Variants in PCNT observed in about 807,000 individuals in gnomAD.
The protein encoded by PCNT is pericentrin.
In PCNT, 319 loss-of-function variants were observed where a neutral mutation model predicts 380.4. The observed-to-expected ratio is 0.84, with a 90% CI of 0.77 to 0.92. PCNT has a LOEUF of 0.92. PCNT is among the 40% of genes least tolerant of loss of function. The pLI, the probability that PCNT is intolerant of heterozygous loss-of-function variation, is 0.00. For synonymous variants in PCNT, 1,845 were observed against 1,735.2 expected, an observed-to-expected ratio of 1.06 and a Z score of -1.57; for missense variants, 4,400 against 4,255.3, an observed-to-expected ratio of 1.03 and a Z score of -0.95.
intron 29 of PCNT, among the ~76,000 whole-genome samples, chr21:46,414,455 C>CCCTTCTCCT (rs2086929758): frequency 8.1e-6 from 1 of 122,856 alleles, no homozygotes; most frequent in African/African-American, 3.5e-5. Context: ...CAGTCGCCCA[C>CCCTTCTCCT]CCTCCTCCTC....
At chr21:46,339,104 G>A (rs2083843041) in intron 3 of PCNT, among the ~76,000 whole-genome samples, 1 of 151,818 alleles carries the variant, frequency 6.6e-6, no homozygotes, top group Non-Finnish European at 1.5e-5. Context: ...TTTTAGTAGG[G>A]ATAGTTTTAC....
rs755540815 is a variant in PCNT at position 46,444,645 on chromosome 21, CTCT to C, written c.9840-47_9840-45del. 308 of 1,428,760 alleles carry C rather than the reference CTCT, an allele frequency of 2.2e-4. 1 individual carries two copies. In the South Asian group the frequency reaches 3.3e-3, roughly 16 times the overall value. 88.5% of individuals were successfully genotyped at this position (1,428,760 alleles called of 1,614,324 possible). The stretch of plus-strand genomic sequence containing the variant: ...CCATGGCTCCGTCTGTCAAACTCAA[CTCT>C]TTTTTTTTTTTTTTTTCTTCTCTTG... On this transcript the variant is annotated intron_variant, in intron 45 of 46. Transcript: ENST00000359568.
chr21:46,437,114 G>A, intron 40 of PCNT, 33 bp downstream of exon 40: 1 of 1,493,030 alleles, frequency 6.7e-7, no homozygotes, highest in South Asian at 1.1e-5. Context: ...TCCCTGGCCT[G>A]GCTCCTCCCC....
Position 46,349,676 on chromosome 21 carries a change from C to T in PCNT, c.1208-8C>T. Reference sequence around the variant, plus strand: ...TGTAAACCAAGTGCCATTGCTTTACCTTTCTAGGGGCCCTTAGGAACCTGG... The same window carrying T: ...TGTAAACCAAGTGCCATTGCTTTACTTTTCTAGGGGCCCTTAGGAACCTGG... On this transcript the variant is annotated splice_polypyrimidine_tract_variant and splice_region_variant and intron_variant, in intron 7 of 46. Coordinates refer to ENST00000359568, the MANE Select transcript of PCNT (RefSeq NM_006031.6). 2 of 1,613,826 alleles carry T rather than the reference C, an allele frequency of 1.2e-6. No individual in the cohort carries two copies. The highest frequency in any genetic ancestry group is 1.7e-6 in the Non-Finnish European group (2 of 1,179,774).
rs2087600066 is a variant in PCNT at position 46,428,397 on chromosome 21, A to G, written c.7497A>G (p.Gly2499=). The G allele has an allele frequency of 3.1e-6, 5 of 1,611,978 alleles. No individual in the cohort carries two copies. Among genetic ancestry groups the G allele is most frequent in the African/African-American group, 1.3e-5 (1 of 74,926 alleles). Residue 2499 remains glycine (G), a splice_region_variant and synonymous_variant, in exon 35 of 47, where the codon GGA becomes GGG. Transcript: ENST00000359568. ...ERLEKIIREQ[G]DLQEKSLEHL... ...TGCTTGTCCCATTGTGCCCCCAGGGAGACCTGCAGGAAAAGTCCCTGGAGC... is the reference window on the plus strand; with the variant it reads ...TGCTTGTCCCATTGTGCCCCCAGGGGGACCTGCAGGAAAAGTCCCTGGAGC...
At position 46,363,723 on chromosome 21, in the gene PCNT, C is replaced by T. The variant is rs1239760800; in HGVS notation, c.2398C>T (p.Gln800Ter). 30 of 1,614,110 alleles carry T rather than the reference C, an allele frequency of 1.9e-5. No individual in the cohort carries two copies. Among genetic ancestry groups the T allele is most frequent in the Non-Finnish European group, 2.5e-5 (29 of 1,180,048 alleles). Reference sequence around the variant, plus strand: ...TCGAGAAGCTGAAATGAGGCAGCTTCAGGACCAACAGGCAGCCCAGATCCT... The same window carrying T: ...TCGAGAAGCTGAAATGAGGCAGCTTTAGGACCAACAGGCAGCCCAGATCCT... ...ELREAEMRQL[Q>*]DQQAAQILDL... The change falls in exon 14 of 47, where the codon CAG (glutamine) becomes TAG (stop). Residue 800 changes from glutamine to a stop codon, truncating the protein, a stop_gained. Coordinates refer to ENST00000359568, the MANE Select transcript of PCNT (RefSeq NM_006031.6). LOFTEE classifies it high-confidence loss of function.
chr21:46,365,508 ATCACTGCCATGGGGTTCTAT>A (rs2084883752), intron 14 of PCNT, among the ~76,000 whole-genome samples: 1 of 21,224 alleles, frequency 4.7e-5, no homozygotes, highest in Non-Finnish European at 9.3e-5. Context: ...TGGGGTTCTG[ATCACTGCCATGGGGTTCTAT>A]TCACTGCCGT....
At chr21:46,331,976 G>A (rs111475966) in intron 2 of PCNT, among the ~76,000 whole-genome samples, 2 of 152,054 alleles carry the variant, frequency 1.3e-5, no homozygotes, top group Non-Finnish European at 2.9e-5. Context: ...CCTGGCCAAC[G>A]TGGTGAAACC....
intron 40 of PCNT, 144 bp from the exon 41 acceptor site, chr21:46,438,019 CA>C: frequency 1.4e-6 from 1 of 714,618 alleles, no homozygotes; most frequent in Non-Finnish European, 2.4e-6. Context: ...ATGACTTTTA[CA>C]ATTTTCTGCC....
chr21:46,437,036 G>A lies in PCNT; in HGVS notation c.9054G>A (p.Thr3018=), dbSNP rs918613918. ...NEKAVMSLLH[T]LEELKSDLSR... Reference sequence around the variant, plus strand: ...AAGCAGTGATGTCTTTACTGCACACGTTGGAGGAGCTGAAGTCTGACTTGA... The same window carrying A: ...AAGCAGTGATGTCTTTACTGCACACATTGGAGGAGCTGAAGTCTGACTTGA... Residue 3018 remains threonine (T), a synonymous_variant, in exon 40 of 47, where the codon ACG becomes ACA. Coordinates refer to ENST00000359568, the MANE Select transcript of PCNT (RefSeq NM_006031.6). 5.0e-6 allele frequency: 8 copies of A among 1,614,038 alleles called. No homozygotes were observed. Among genetic ancestry groups the A allele is most frequent in the East Asian group, 4.5e-5 (2 of 44,900 alleles).
At chr21:46,341,852 A>G (rs1601780853) in intron 3 of PCNT, among the ~76,000 whole-genome samples, 1 of 151,480 alleles carries the variant, frequency 6.6e-6, no homozygotes. Context: ...CAAATTTTTA[A>G]ATATTTTGTA....
chr21:46,414,641 T>C (rs574068626), intron 29 of PCNT, among the ~76,000 whole-genome samples: 1 of 141,770 alleles, frequency 7.1e-6, no homozygotes, highest in Non-Finnish European at 1.5e-5. Context: ...CCCACTCTCC[T>C]CCTCCTGGAC....
chr21:46,410,367 G>C (rs972003203), intron 27 of PCNT, among the ~76,000 whole-genome samples: 2 of 152,182 alleles, frequency 1.3e-5, no homozygotes, highest in African/African-American at 4.8e-5. Flanking sequence ...ACCTGGAGTT[G>C]TTATGAAACC....
Position 46,363,653 on chromosome 21 carries a change from A to G in PCNT, c.2328A>G (p.Glu776=). Reference sequence around the variant, plus strand: ...CATTGATGCTACTTGAACTGAGAGAAAAGGCTGAATCCGAGAAACAGACCA... The same window carrying G: ...CATTGATGCTACTTGAACTGAGAGAGAAGGCTGAATCCGAGAAACAGACCA... ...KLTLMLLELR[E]KAESEKQTII... is the part of the protein sequence containing the mutation. The change falls in exon 14 of 47, where the codon GAA becomes GAG. Residue 776 remains glutamate, a synonymous_variant. Transcript: ENST00000359568. 1 of 1,614,260 alleles carries G rather than the reference A, an allele frequency of 6.2e-7. No individual in the cohort carries two copies. The highest frequency in any genetic ancestry group is 8.5e-7 in the Non-Finnish European group (1 of 1,180,050).
chr21:46,423,709 GAGGAGGAGGAAGAGAA>G (rs780553950), intron 32 of PCNT, among the ~76,000 whole-genome samples: 1,441 of 75,552 alleles, frequency 0.019, 49 homozygotes, highest in Non-Finnish European at 0.025. Flanking sequence ...AGGAGGGGGA[GAGGAGGAGGAAGAGAA>G]GGGGAGGGGG....
At position 46,353,201 on chromosome 21, in the gene PCNT, A is replaced by G; in HGVS notation, c.1554A>G (p.Gln518=). The change falls in exon 10 of 47, where the codon CAA becomes CAG. Residue 518 remains glutamine (Q), a synonymous_variant. Coordinates refer to ENST00000359568, the MANE Select transcript of PCNT (RefSeq NM_006031.6). ...EKTQHESELE[Q]LRIYFEKKLR... ...CCCAGCATGAGTCCGAACTGGAGCAACTGAGGATTTATTTTGAAAAGAAGT... is the reference window on the plus strand; with the variant it reads ...CCCAGCATGAGTCCGAACTGGAGCAGCTGAGGATTTATTTTGAAAAGAAGT... 6.2e-7 allele frequency: 1 copy of G among 1,614,118 alleles called. No homozygotes were observed. Among genetic ancestry groups the G allele is most frequent in the South Asian group, 1.1e-5 (1 of 91,084 alleles).
chr21:46,391,671 G>A (rs912922134), intron 21 of PCNT, among the ~76,000 whole-genome samples: 2 of 152,330 alleles, frequency 1.3e-5, no homozygotes, highest in South Asian at 2.1e-4. Flanking sequence ...GCAGCTGGAG[G>A]CAGAGCCGAG....
chr21:46,353,259 C>G lies in PCNT; in HGVS notation c.1612C>G (p.Leu538Val), dbSNP rs760432732. 1.9e-6 allele frequency: 3 copies of G among 1,614,150 alleles called. No individual in the cohort carries two copies. The highest frequency in any genetic ancestry group is 2.5e-6 in the Non-Finnish European group (3 of 1,180,016). The change falls in exon 10 of 47, where the codon CTA becomes GTA. Residue 538 changes from leucine (L) to valine (V), a missense_variant. Transcript: ENST00000359568. Reference sequence around the variant, plus strand: ...TGCTGAGAAAACTTACCAAGAAGACCTAACCCTGTTACAGCAGAGGCTGCA... The same window carrying G: ...TGCTGAGAAAACTTACCAAGAAGACGTAACCCTGTTACAGCAGAGGCTGCA... ...RDAEKTYQED[L>V]TLLQQRLQGA... is the part of the protein sequence containing the mutation.
intron 26 of PCNT, 143 bp from the exon 27 acceptor site, chr21:46,402,188 G>A: frequency 1.7e-6 from 1 of 588,694 alleles, no homozygotes; most frequent in East Asian, 3.2e-5. Context: ...TACCATTTGT[G>A]TGCGGGTACA....
Sources: gnomAD v4.1 joint callset for allele counts (sites outside exome capture counted in the v4.1 genomes callset) on GRCh38, gnomAD v4.1.1 for gene constraint, MANE v1.5 for transcripts, NCBI Gene and HGNC (gene_info 2026-07-23, HGNC 2026-07-21) for gene names.